SHISA9: variants seen among roughly 807,000 people sequenced by gnomAD.
SHISA9 encodes the protein shisa family member 9.
In SHISA9, 13 loss-of-function variants were observed where a neutral mutation model predicts 38.0. The observed-to-expected ratio is 0.34, with a 90% CI of 0.22 to 0.54. SHISA9 has a LOEUF of 0.54. Ranked by LOEUF, SHISA9 falls within the 20% of genes least tolerant of loss-of-function variation. The pLI is 0.91. For missense variants in SHISA9, 538 were observed against 575.8 expected (o/e 0.93, Z 0.67); for synonymous variants, 275 against 242.0 (o/e 1.14, Z -1.27).
intron 2 of SHISA9, among the ~76,000 whole-genome samples, chr16:12,949,476 G>C (rs754787214): frequency 4.6e-5 from 7 of 152,174 alleles, no homozygotes; most frequent in African/African-American, 1.4e-4. Context: ...TTTAGAGCAG[G>C]CCTTTCCAAA....
At chr16:13,317,096 T>G in the SHISA9 span, among the ~76,000 whole-genome samples, 2 of 152,164 alleles carry the variant, frequency 1.3e-5, no homozygotes, top group Non-Finnish European at 2.9e-5. Flanking sequence ...AGGTCAGAAC[T>G]TCCTCCTTGA....
At chr16:13,491,802 ATATT>A in the SHISA9 span, among the ~76,000 whole-genome samples, 1 of 89,504 alleles carries the variant, frequency 1.1e-5, no homozygotes, top group Non-Finnish European at 2.2e-5. Context: ...GGATTTTTAA[ATATT>A]TATTTATTGA....
intron 2 of SHISA9, among the ~76,000 whole-genome samples, chr16:13,002,077 A>G (rs1180381051): frequency 2.6e-5 from 4 of 152,254 alleles, no homozygotes; most frequent in African/African-American, 9.6e-5. Flanking sequence ...TCAGTGTTTC[A>G]TAAAACTCCC....
intron 1 of SHISA9, 92 bp downstream of exon 1, chr16:12,902,719 TC>T: frequency 8.0e-7 from 1 of 1,252,646 alleles, no homozygotes; most frequent in Non-Finnish European, 1.1e-6. Flanking sequence ...CTCCCCACGG[TC>T]CCCGCTCCCC....
the SHISA9 span, among the ~76,000 whole-genome samples, chr16:13,287,058 C>A: frequency 6.6e-6 from 1 of 152,092 alleles, no homozygotes; most frequent in East Asian, 1.9e-4. Flanking sequence ...ACAACAGACA[C>A]CAAACACTAC....
chr16:13,285,465 T>TG, the SHISA9 span, among the ~76,000 whole-genome samples: 1 of 104,816 alleles, frequency 9.5e-6, no homozygotes, highest in East Asian at 2.0e-4. Flanking sequence ...AGGTGTAGTT[T>TG]TTTTTTTTTT....
At chr16:13,447,054 G>C in the SHISA9 span, among the ~76,000 whole-genome samples, 1 of 151,440 alleles carries the variant, frequency 6.6e-6, no homozygotes, top group Non-Finnish European at 1.5e-5. Flanking sequence ...AAGAGAGAGA[G>C]AGAAAGAAAG....
the SHISA9 span, among the ~76,000 whole-genome samples, chr16:13,269,405 T>C: frequency 6.6e-6 from 1 of 152,340 alleles, no homozygotes; most frequent in East Asian, 1.9e-4. Flanking sequence ...CTCCTCCATA[T>C]TTCCAGGGAT....
intron 1 of SHISA9, chr16:12,909,586 G>A: frequency 1.0e-6 from 1 of 985,294 alleles, no homozygotes; most frequent in Non-Finnish European, 1.2e-6. Context: ...TCCCATCTTG[G>A]AGCTGTTGCA....
At chr16:13,352,301 G>C in the SHISA9 span, among the ~76,000 whole-genome samples, 5 of 152,176 alleles carry the variant, frequency 3.3e-5, no homozygotes, top group African/African-American at 7.2e-5. Context: ...AGTTTCTTTT[G>C]ATATGAGAGT....
At chr16:12,976,494 G>A (rs1273665010) in intron 2 of SHISA9, among the ~76,000 whole-genome samples, 1 of 152,110 alleles carries the variant, frequency 6.6e-6, no homozygotes, top group Non-Finnish European at 1.5e-5. Flanking sequence ...TTGAGACTGA[G>A]CATTGCTTTC....
the SHISA9 span, among the ~76,000 whole-genome samples, chr16:13,528,924 G>A: frequency 2.6e-5 from 4 of 152,154 alleles, no homozygotes; most frequent in African/African-American, 9.7e-5. Context: ...TTCCACTTCT[G>A]ATTTGATGAC....
At chr16:13,425,710 C>G in the SHISA9 span, among the ~76,000 whole-genome samples, 1 of 152,206 alleles carries the variant, frequency 6.6e-6, no homozygotes, top group Non-Finnish European at 1.5e-5. Context: ...GAAAGAACCA[C>G]TCATTCACAT....
At chr16:12,913,756 C>G (rs757895533) in intron 1 of SHISA9, among the ~76,000 whole-genome samples, 1 of 152,196 alleles carries the variant, frequency 6.6e-6, no homozygotes, top group African/African-American at 2.4e-5. Flanking sequence ...TCAATGGAAT[C>G]ATACAATGTG....
At chr16:13,099,439 G>C (rs1389765127) in intron 2 of SHISA9, among the ~76,000 whole-genome samples, 1 of 152,174 alleles carries the variant, frequency 6.6e-6, no homozygotes, top group Non-Finnish European at 1.5e-5. Context: ...GAATGCTGGG[G>C]AGAGGGTAGA....
At chr16:13,553,455 G>A in the SHISA9 span, among the ~76,000 whole-genome samples, 1 of 152,130 alleles carries the variant, frequency 6.6e-6, no homozygotes, top group Non-Finnish European at 1.5e-5. Context: ...TTTTACAGGT[G>A]GGAGAACAGA....
the SHISA9 span, among the ~76,000 whole-genome samples, chr16:13,365,791 T>G: frequency 6.6e-6 from 1 of 152,152 alleles, no homozygotes; most frequent in East Asian, 1.9e-4. Flanking sequence ...TCACATCTTA[T>G]GGATTGCAAA....
chr16:13,009,903 A>G (rs921493348), intron 2 of SHISA9, among the ~76,000 whole-genome samples: 1 of 152,222 alleles, frequency 6.6e-6, no homozygotes, highest in Non-Finnish European at 1.5e-5. Flanking sequence ...AAGGCCAGGC[A>G]TAGTGGCTCA....
intron 2 of SHISA9, 196 bp from the exon 3 acceptor site, chr16:13,203,198 C>T (rs769245073): frequency 3.8e-5 from 16 of 421,254 alleles, no homozygotes; most frequent in Admixed American, 1.2e-4. Flanking sequence ...GAAAAACACC[C>T]ACCTGTCCTC....
Sources: gnomAD v4.1 joint callset for allele counts (sites outside exome capture counted in the v4.1 genomes callset) on GRCh38, gnomAD v4.1.1 for gene constraint, MANE v1.5 for transcripts, NCBI Gene and HGNC (gene_info 2026-07-23, HGNC 2026-07-21) for gene names.